The following PFKFB4 variants were observed in gnomAD, a reference collection of about 807,000 sequenced individuals.
PFKFB4 encodes 6-phosphofructo-2-kinase/fructose-2,6-biphosphatase 4.
In PFKFB4, 42 loss-of-function variants were observed where a neutral mutation model predicts 62.8. The observed-to-expected ratio is 0.67, with a 90% CI of 0.52 to 0.86. The LOEUF is 0.86. Among genes scored for constraint, PFKFB4 ranks in the 40% least tolerant of loss-of-function variants. The probability of loss-of-function intolerance (pLI) is 0.00; values close to 1 mark genes in which losing one functional copy is unlikely to be tolerated. For synonymous variants in PFKFB4, 204 were observed against 240.7 expected, an observed-to-expected ratio of 0.85 and a Z score of 1.41; for missense variants, 475 against 627.2, an observed-to-expected ratio of 0.76 and a Z score of 2.59.
upstream of PFKFB4, chr3:48,561,789 T>C (rs1079134): frequency 4.8e-3 from 677 of 141,906 alleles, 8 homozygotes; most frequent in African/African-American, 0.011. The surrounding 1 kb of genome is among the most constrained non-coding windows in gnomAD (Gnocchi z 5.2). Flanking sequence ...ATGTCTGCTA[T>C]ATACACAATG....
chr3:48,527,508 A>G (rs2042301025), intron 9 of PFKFB4, among the ~76,000 whole-genome samples: 1 of 151,996 alleles, frequency 6.6e-6, no homozygotes, highest in South Asian at 2.1e-4. Context: ...AAGAACTAAA[A>G]ATGTGGAAGT....
At chr3:48,523,001 T>G (rs2042145363) in intron 12 of PFKFB4, among the ~76,000 whole-genome samples, 1 of 151,840 alleles carries the variant, frequency 6.6e-6, no homozygotes. Context: ...GACCTCGTGA[T>G]CCACCCACCT....
Position 48,525,606 on chromosome 3 carries a change from G to T in PFKFB4, c.1051C>A (p.Arg351=). 1 of 1,606,720 alleles carries T rather than the reference G, an allele frequency of 6.2e-7. No individual in the cohort carries two copies. Among genetic ancestry groups the T allele is most frequent in the Non-Finnish European group, 8.5e-7 (1 of 1,175,698 alleles). ...QDNYPLEFAL[R]DQDKYRYRYP... Reference sequence around the variant, plus strand: ...CGGTACCGGTACTTGTCCTGGTCCCGCAGGGCGAACTCCAGTGGATAATTA... The same window carrying T: ...CGGTACCGGTACTTGTCCTGGTCCCTCAGGGCGAACTCCAGTGGATAATTA... Residue 351 remains arginine (R), a synonymous_variant, in exon 10 of 14, where the codon CGG becomes AGG. Coordinates refer to ENST00000232375, the MANE Select transcript of PFKFB4 (RefSeq NM_004567.4).
intron 1 of PFKFB4, among the ~76,000 whole-genome samples, chr3:48,551,992 T>C (rs2043171169): frequency 6.6e-6 from 1 of 152,216 alleles, no homozygotes; most frequent in South Asian, 2.1e-4. Flanking sequence ...TTCTTGGTTC[T>C]GCAAGTGCCT....
At chr3:48,557,008 G>C, upstream of PFKFB4, 1 of 1,351,032 alleles carries the variant, frequency 7.4e-7, no homozygotes, top group Non-Finnish European at 9.6e-7. Context: ...GGAACAAGTG[G>C]GCCCAGTTCT....
rs554595347 is a variant in PFKFB4 at position 48,535,517 on chromosome 3, C to T, written c.982G>A (p.Asp328Asn). The change falls in exon 9 of 14, where the codon GAT becomes AAT. Residue 328 changes from aspartate (D) to asparagine (N), a missense_variant. Asp to Asn is a conservative substitution (Grantham distance 23). Coordinates refer to ENST00000232375, the MANE Select transcript of PFKFB4 (RefSeq NM_004567.4). ...GAGGGAGGGACGGTAACTACCGCAT[C>T]GATCTCGTTGAGGACCTTCCACTGT... ...YEQWKVLNEIDAGVCEEMTYE... is the reference protein window; with the variant it reads ...YEQWKVLNEINAGVCEEMTYE... The T allele has an allele frequency of 5.0e-6, 8 of 1,613,250 alleles. No individual in the cohort carries two copies. Among genetic ancestry groups the T allele is most frequent in the Admixed American group, 3.3e-5 (2 of 59,956 alleles).
chr3:48,528,947 AT>A (rs1294482757), intron 9 of PFKFB4, among the ~76,000 whole-genome samples: 2 of 152,200 alleles, frequency 1.3e-5, no homozygotes, highest in Non-Finnish European at 2.9e-5. Context: ...ATCTGGGGTG[AT>A]GAAATGTTCT....
upstream of PFKFB4, chr3:48,561,660 A>G (rs1252946060): frequency 6.6e-6 from 1 of 152,098 alleles, no homozygotes; most frequent in Non-Finnish European, 1.5e-5. The surrounding 1 kb of genome is among the most constrained non-coding windows in gnomAD (Gnocchi z 5.2). Flanking sequence ...CTTTGTGTTT[A>G]TTGAGCACCT....
intron 9 of PFKFB4, 125 bp from the exon 10 acceptor site, chr3:48,525,794 C>T (rs911990348): frequency 2.0e-6 from 1 of 493,162 alleles, no homozygotes. Flanking sequence ...GTGAAGGGAA[C>T]AGAAACCTGT....
chr3:48,550,092 C>G, intron 2 of PFKFB4, 26 bp downstream of exon 2: 2 of 1,546,160 alleles, frequency 1.3e-6, no homozygotes, highest in Non-Finnish European at 1.8e-6. Context: ...CAAAGCTCCC[C>G]TTAGACAGCT....
intron 3 of PFKFB4, 71 bp downstream of exon 3, chr3:48,549,793 G>GT (rs2107583317): frequency 1.1e-6 from 1 of 936,290 alleles, no homozygotes; most frequent in South Asian, 1.3e-5. Context: ...TAAATGGTCA[G>GT]TAATGTGTTA....
rs560143857 is a variant in PFKFB4 at position 48,532,451 on chromosome 3, T to A, written c.987+3061A>T. On this transcript the variant is annotated intron_variant, in intron 9 of 13. Coordinates refer to ENST00000232375, the MANE Select transcript of PFKFB4 (RefSeq NM_004567.4). ...TTTGTATCCATGTTCACAGCTGCATTATCCACAATAGCTAAAAAGTGGAAG... is the reference window on the plus strand; with the variant it reads ...TTTGTATCCATGTTCACAGCTGCATAATCCACAATAGCTAAAAAGTGGAAG... 2.6e-5 allele frequency among the ~76,000 whole-genome samples: 4 copies of A among 152,336 alleles called. No homozygotes were observed. In the South Asian group the frequency reaches 8.3e-4, roughly 32 times the overall value.
chr3:48,538,437 C>T (rs1646609028), intron 7 of PFKFB4, 61 bp downstream of exon 7: 1 of 1,593,056 alleles, frequency 6.3e-7, no homozygotes, highest in Non-Finnish European at 8.6e-7. Context: ...TAGGAGGCAG[C>T]CAAGTATGAC....
intron 3 of PFKFB4, chr3:48,548,367 CAGA>C: frequency 6.6e-6 from 1 of 152,292 alleles, no homozygotes; most frequent in Admixed American, 6.5e-5. Context: ...TTGGCTGAGG[CAGA>C]AGAATTGCTT....
At chr3:48,522,357 G>C (rs1263316264) in intron 12 of PFKFB4, among the ~76,000 whole-genome samples, 1 of 152,154 alleles carries the variant, frequency 6.6e-6, no homozygotes, top group Non-Finnish European at 1.5e-5. Flanking sequence ...GACTCTCAAA[G>C]TCTTCAGGGC....
In PFKFB4 at chr3:48,552,674, G is replaced by A. The variant is rs75441916; in HGVS notation, c.98-2440C>T. Reference sequence around the variant, plus strand: ...CAGCTGCTAAGCAGGAGGAAATCCTGCATCTACCCTGCTCCCGCTGATGGG... The same window carrying A: ...CAGCTGCTAAGCAGGAGGAAATCCTACATCTACCCTGCTCCCGCTGATGGG... On this transcript the variant is annotated intron_variant, in intron 1 of 13. Transcript: ENST00000232375. 2.6e-3 allele frequency among the ~76,000 whole-genome samples: 390 copies of A among 152,310 alleles called. 2 individuals are homozygous for A. The highest frequency in any genetic ancestry group is 9.1e-3 in the African/African-American group (378 of 41,580).
intron 3 of PFKFB4, among the ~76,000 whole-genome samples, chr3:48,544,351 G>A (rs1245970291): frequency 6.6e-6 from 1 of 151,824 alleles, no homozygotes; most frequent in Non-Finnish European, 1.5e-5. Context: ...TCTGAGGGAG[G>A]GTTCTGCATC....
chr3:48,521,873 A>G lies in PFKFB4; in HGVS notation c.1350+113T>C, dbSNP rs41290682. The G allele has an allele frequency of 7.8e-6, 7 of 898,664 alleles. No homozygotes were observed. Among genetic ancestry groups the G allele is most frequent in the Non-Finnish European group, 1.3e-5 (7 of 537,810 alleles). 55.7% of individuals were successfully genotyped at this position (898,664 alleles called of 1,614,324 possible). ...GATGGGACAACAGTCTTGGCAGAAG[A>G]CTCAAGCTCCCTCTGGCAGGTGCCG... On this transcript the variant is annotated intron_variant, in intron 13 of 13. Coordinates refer to ENST00000232375, the MANE Select transcript of PFKFB4 (RefSeq NM_004567.4). This position sits in a 1 kb window ranked among gnomAD's most constrained non-coding sequence, Gnocchi z 5.3.
At position 48,525,577 on chromosome 3, in the gene PFKFB4, G is replaced by A; in HGVS notation, c.1080C>T (p.Tyr360=). 1.3e-6 allele frequency: 2 copies of A among 1,585,226 alleles called. No homozygotes were observed. Among genetic ancestry groups the A allele is most frequent in the Non-Finnish European group, 1.7e-6 (2 of 1,160,624 alleles). Residue 360 remains tyrosine (Y), a synonymous_variant, in exon 10 of 14, where the codon TAC becomes TAT. Coordinates refer to ENST00000232375, the MANE Select transcript of PFKFB4 (RefSeq NM_004567.4). ...LRDQDKYRYR[Y]PKGESYEDLV... ...AAATCCCACCTACCTCCCCTTTAGG[G>A]TACCGGTACCGGTACTTGTCCTGGT... is the stretch of plus-strand genomic sequence containing the variant.
Sources: gnomAD v4.1 joint callset for allele counts (sites outside exome capture counted in the v4.1 genomes callset) on GRCh38, gnomAD v4.1.1 for gene constraint, Gnocchi (gnomAD v3.1) non-coding constraint, MANE v1.5 for transcripts, NCBI Gene and HGNC (gene_info 2026-07-23, HGNC 2026-07-21) for gene names.